Variants in MTR observed in about 807,000 individuals in gnomAD.
MTR encodes the protein methionine synthase.
A neutral mutation model predicts 154.8 loss-of-function variants in MTR; 84 were observed. That is an observed-to-expected ratio of 0.54 (90% CI 0.45 to 0.65). The LOEUF is 0.65. Among genes scored for constraint, MTR ranks in the 30% least tolerant of loss-of-function variants. The pLI is 0.00. For missense variants in MTR, 1,275 were observed against 1,570.2 expected, an observed-to-expected ratio of 0.81 and a Z score of 3.18; for synonymous variants, 554 against 553.9, an observed-to-expected ratio of 1.00 and a Z score of 0.00.
chr1:236,886,928 T>C (rs1235707834), intron 27 of MTR, among the ~76,000 whole-genome samples: 1 of 151,950 alleles, frequency 6.6e-6, no homozygotes, highest in African/African-American at 2.4e-5. Context: ...TTTCTTGCTT[T>C]CTCTCTGTCC....
chr1:236,839,843 A>G (rs1663127953), intron 15 of MTR, among the ~76,000 whole-genome samples: 1 of 152,218 alleles, frequency 6.6e-6, no homozygotes, highest in Non-Finnish European at 1.5e-5. Flanking sequence ...TACATAGAAT[A>G]CTGTGCAGCA....
At chr1:236,854,993 G>T (rs1309284758) in intron 18 of MTR, among the ~76,000 whole-genome samples, 4 of 152,088 alleles carry the variant, frequency 2.6e-5, no homozygotes, top group African/African-American at 9.7e-5. Flanking sequence ...TCTCTGTCAG[G>T]GAGACTGTCT....
intron 22 of MTR, among the ~76,000 whole-genome samples, chr1:236,869,603 A>T (rs1374127574): frequency 2.6e-5 from 4 of 152,234 alleles, no homozygotes; most frequent in Non-Finnish European, 2.9e-5. Context: ...GAATGTGTAT[A>T]GGGAGAGGCT....
At chr1:236,884,979 G>T (rs886198725) in intron 25 of MTR, 142 bp from the exon 26 acceptor site, 10 of 688,528 alleles carry the variant, frequency 1.5e-5, no homozygotes, top group Middle Eastern at 4.8e-4. Flanking sequence ...TTTCCTGCAC[G>T]CCAGGCAGGA....
At chr1:236,879,145 A>T (rs188938853) in intron 24 of MTR, among the ~76,000 whole-genome samples, 76 of 152,348 alleles carry the variant, frequency 5.0e-4, no homozygotes, top group African/African-American at 1.7e-3. Context: ...TACCTCAATG[A>T]TCCACATTTA....
intron 11 of MTR, among the ~76,000 whole-genome samples, chr1:236,827,979 A>G (rs376512535): frequency 3.3e-5 from 5 of 151,562 alleles, no homozygotes; most frequent in East Asian, 1.9e-4. Flanking sequence ...AGTAAATAAT[A>G]TATATATATA....
intron 24 of MTR, among the ~76,000 whole-genome samples, chr1:236,877,147 C>G (rs1665479171): frequency 6.6e-6 from 1 of 152,222 alleles, no homozygotes; most frequent in Non-Finnish European, 1.5e-5. Context: ...CCTCCAAGCA[C>G]TTCACTGTAG....
Position 236,881,148 on chromosome 1 carries a change from G to T in MTR, c.2676+312G>T, listed in dbSNP as rs1008283118. ...CACTCACAAACATGAATAGATGTTT[G>T]CTTGACTGTCTAAAAGGAATGTTGG... is the stretch of plus-strand genomic sequence containing the variant. On this transcript the variant is annotated intron_variant, in intron 25 of 32. Transcript: ENST00000366577. Among the ~76,000 whole-genome samples the T allele has an allele frequency of 3.3e-5, 5 of 152,256 alleles. No homozygotes were observed. In the South Asian group the frequency reaches 1.0e-3, roughly 32 times the overall value.
intron 9 of MTR, among the ~76,000 whole-genome samples, 199 bp from the exon 10 acceptor site, chr1:236,825,139 G>GGTTTTTTTTTTT (rs1380061225): frequency 1.7e-5 from 1 of 59,842 alleles, no homozygotes; most frequent in African/African-American, 7.7e-5. Context: ...TTTCCTCTGT[G>GGTTTTTTTTTTT]ATTTTTTTTT....
chr1:236,819,782 A>G, intron 8 of MTR: 3 of 759,066 alleles, frequency 4.0e-6, no homozygotes, highest in Non-Finnish European at 7.2e-6. Context: ...TCTACATCAT[A>G]AATCTGAAGA....
chr1:236,806,269 T>TA, intron 3 of MTR, 36 bp downstream of exon 3: 2 of 1,549,106 alleles, frequency 1.3e-6, no homozygotes, highest in African/African-American at 1.4e-5. Context: ...CTAAGATGCT[T>TA]ACGAGCGTTT....
chr1:236,862,423 T>A, intron 21 of MTR, 80 bp downstream of exon 21: 1 of 1,153,456 alleles, frequency 8.7e-7, no homozygotes, highest in Non-Finnish European at 1.3e-6. Context: ...GCCTAAGCAG[T>A]CAGGGTTGGC....
chr1:236,796,090 C>T (rs896752225), intron 1 of MTR, among the ~76,000 whole-genome samples: 1 of 152,084 alleles, frequency 6.6e-6, no homozygotes, highest in Non-Finnish European at 1.5e-5. Flanking sequence ...TGGTGTGACG[C>T]TTATTCGTAA....
Position 236,897,063 on chromosome 1 carries a change from A to G in MTR, c.3656A>G (p.Tyr1219Cys). The G allele has an allele frequency of 1.2e-6, 2 of 1,614,136 alleles. No individual in the cohort carries two copies. Among genetic ancestry groups the G allele is most frequent in the Non-Finnish European group, 1.7e-6 (2 of 1,180,010 alleles). ...CCTGCTTCAGCAGTCTCAGGCCTCT[A>G]CTTCTCCAATTTGAAGTCCAAATAT... ...MAPASAVSGL[Y>C]FSNLKSKYFA... Residue 1219 changes from tyrosine (Y) to cysteine (C), a missense_variant, in exon 32 of 33, where the codon TAC becomes TGC. Tyr to Cys is a radical substitution (Grantham distance 194). Coordinates refer to ENST00000366577, the MANE Select transcript of MTR (RefSeq NM_000254.3).
In MTR at chr1:236,880,798, G is replaced by T; in HGVS notation, c.2638G>T (p.Val880Leu). 1 of 1,614,188 alleles carries T rather than the reference G, an allele frequency of 6.2e-7. No individual in the cohort carries two copies. The highest frequency in any genetic ancestry group is 2.2e-5 in the East Asian group (1 of 44,876). ...VKIAPRYSAP[V>L]IHVLDASKSV... is the part of the protein sequence containing the mutation. ...AATAGCTCCGAGATACAGTGCACCTGTAATCCATGTCCTGGACGCGTCCAA... is the reference window on the plus strand; with the variant it reads ...AATAGCTCCGAGATACAGTGCACCTTTAATCCATGTCCTGGACGCGTCCAA... Residue 880 changes from valine (V) to leucine (L), a missense_variant, in exon 25 of 33, where the codon GTA becomes TTA. Transcript: ENST00000366577.
At chr1:236,813,937 G>C (rs1661450410) in intron 6 of MTR, among the ~76,000 whole-genome samples, 1 of 151,788 alleles carries the variant, frequency 6.6e-6, no homozygotes, top group African/African-American at 2.4e-5. Flanking sequence ...GTTGTGGGAG[G>C]GGGAGACTAC....
Position 236,862,325 on chromosome 1 carries a change from C to T in MTR, c.2286C>T (p.Asn762=), listed in dbSNP as rs750019941. The T allele has an allele frequency of 8.1e-6, 13 of 1,613,576 alleles. No individual in the cohort carries two copies. Among genetic ancestry groups the T allele is most frequent in the African/African-American group, 1.3e-5 (1 of 75,002 alleles). The change falls in exon 21 of 33, where the codon AAC becomes AAT. Residue 762 remains asparagine, a synonymous_variant. Transcript: ENST00000366577. Reference sequence around the variant, plus strand: ...AAAGAGAAGAAACCAGAGTGCTTAACGGCACAGTAGAAGAAGAGGCAAGTC... The same window carrying T: ...AAAGAGAAGAAACCAGAGTGCTTAATGGCACAGTAGAAGAAGAGGCAAGTC... The part of the protein sequence containing the change: ...EKEREETRVL[N]GTVEEEDPYQ...
rs902819812 is a variant in MTR at position 236,810,234 on chromosome 1, C to A, written c.410-269C>A. ...ATAATTTCCTTAGTGGGATCTGGGGCAGCCCCATGATCAAATATATGTAAG... is the reference window on the plus strand; with the variant it reads ...ATAATTTCCTTAGTGGGATCTGGGGAAGCCCCATGATCAAATATATGTAAG... On this transcript the variant is annotated intron_variant, in intron 4 of 32. Transcript: ENST00000366577. Among the ~76,000 whole-genome samples, 3 of 152,264 alleles carry A rather than the reference C, an allele frequency of 2.0e-5. No homozygotes were observed. The South Asian group carries it at 6.2e-4, about 32-fold the overall frequency.
intron 18 of MTR, among the ~76,000 whole-genome samples, chr1:236,857,110 C>G (rs578193837): frequency 2.0e-5 from 3 of 152,134 alleles, no homozygotes; most frequent in Admixed American, 1.3e-4. Flanking sequence ...CGCTGCACTG[C>G]CTTCCACAAT....
Sources: gnomAD v4.1 joint callset for allele counts (sites outside exome capture counted in the v4.1 genomes callset) on GRCh38, gnomAD v4.1.1 for gene constraint, MANE v1.5 for transcripts, NCBI Gene and HGNC (gene_info 2026-07-23, HGNC 2026-07-21) for gene names.